Variants in ZNF804B observed in about 807,000 individuals in gnomAD.
ZNF804B encodes the protein zinc finger 804B.
A neutral mutation model predicts 101.4 loss-of-function variants in ZNF804B; 80 were observed. The ratio of observed to expected loss-of-function variants is 0.79; its 90% CI spans 0.66 to 0.95. The LOEUF (loss-of-function observed/expected upper bound fraction) is 0.95, where lower values mean the gene tolerates loss of function less well. ZNF804B is among the 40% of genes least tolerant of loss of function. The probability of loss-of-function intolerance (pLI) is 0.00; values close to 1 mark genes in which losing one functional copy is unlikely to be tolerated. For synonymous variants in ZNF804B, 622 were observed against 558.8 expected (o/e 1.11, Z -1.59); for missense variants, 1,673 against 1,561.9 (o/e 1.07, Z -1.20).
In ZNF804B at chr7:89,334,134, G is replaced by A. The variant is rs779558264; in HGVS notation, c.1152G>A (p.Leu384=). ...NHSDARISEC[L]DEFSSLEPSE... is the part of the protein sequence containing the mutation. ...GTGATGCCAGGATATCTGAATGCCT[G>A]GATGAGTTTTCATCACTGGAGCCAA... The change falls in exon 4 of 4, where the codon CTG becomes CTA. Residue 384 remains leucine (L), a synonymous_variant. Coordinates refer to ENST00000333190, the MANE Select transcript of ZNF804B (RefSeq NM_181646.5). 2.5e-6 allele frequency: 4 copies of A among 1,613,522 alleles called. No individual in the cohort carries two copies. Among genetic ancestry groups the A allele is most frequent in the Non-Finnish European group, 3.4e-6 (4 of 1,179,822 alleles).
At chr7:89,195,860 C>T (rs1001436724) in intron 1 of ZNF804B, among the ~76,000 whole-genome samples, 10 of 145,380 alleles carry the variant, frequency 6.9e-5, no homozygotes, top group Admixed American at 2.8e-4. Context: ...AAGTGAAGGA[C>T]CTCTTGAAAG....
At chr7:89,207,851 A>G (rs1788737796) in intron 1 of ZNF804B, among the ~76,000 whole-genome samples, 1 of 152,116 alleles carries the variant, frequency 6.6e-6, no homozygotes, top group Non-Finnish European at 1.5e-5. Flanking sequence ...TAGGTCAAGA[A>G]TTCACTGTAA....
intron 2 of ZNF804B, among the ~76,000 whole-genome samples, chr7:89,246,896 G>A (rs1308919823): frequency 6.6e-6 from 1 of 151,976 alleles, no homozygotes; most frequent in Non-Finnish European, 1.5e-5. Context: ...CTGTATGCAT[G>A]GGTGCCATCT....
intron 1 of ZNF804B, among the ~76,000 whole-genome samples, chr7:88,781,009 T>C (rs1224406287): frequency 6.6e-6 from 1 of 152,198 alleles, no homozygotes; most frequent in Non-Finnish European, 1.5e-5. Flanking sequence ...CTCATTCTTT[T>C]AGGCACATGT....
At chr7:88,937,918 A>G (rs1392945853) in intron 1 of ZNF804B, among the ~76,000 whole-genome samples, 4 of 152,078 alleles carry the variant, frequency 2.6e-5, no homozygotes, top group Non-Finnish European at 5.9e-5. Context: ...AAATATTGGA[A>G]GAGATTTATT....
At chr7:89,167,735 A>G (rs1282252358) in intron 1 of ZNF804B, among the ~76,000 whole-genome samples, 3 of 152,144 alleles carry the variant, frequency 2.0e-5, no homozygotes, top group Admixed American at 2.0e-4. Flanking sequence ...GAAACTGCAA[A>G]TTATGGTAGC....
intron 1 of ZNF804B, among the ~76,000 whole-genome samples, chr7:88,846,868 TATATACACATAA>T (rs1436034524): frequency 4.6e-5 from 7 of 151,550 alleles, no homozygotes; most frequent in South Asian, 4.2e-4. Context: ...TATTAGTGTA[TATATACACATAA>T]ATATACACAT....
chr7:89,078,352 C>T (rs1583973710), intron 1 of ZNF804B, among the ~76,000 whole-genome samples: 1 of 151,992 alleles, frequency 6.6e-6, no homozygotes, highest in Non-Finnish European at 1.5e-5. Context: ...ACTAGAAATG[C>T]TCAATTAAGA....
Position 89,212,433 on chromosome 7 carries a change from C to T in ZNF804B, c.109-5722C>T, listed in dbSNP as rs143153619. ...AACAGAAGTTTGATAACATGTATACCTCTTGTGCACATGGGAGATAACCTG... is the reference window on the plus strand; with the variant it reads ...AACAGAAGTTTGATAACATGTATACTTCTTGTGCACATGGGAGATAACCTG... On this transcript the variant is annotated intron_variant, in intron 1 of 3. Coordinates refer to ENST00000333190, the MANE Select transcript of ZNF804B (RefSeq NM_181646.5). 2.0e-5 allele frequency among the ~76,000 whole-genome samples: 3 copies of T among 152,172 alleles called. No individual in the cohort carries two copies. The East Asian group carries it at 5.8e-4, about 29-fold the overall frequency.
At chr7:88,882,700 TGTG>T (rs750319278) in intron 1 of ZNF804B, among the ~76,000 whole-genome samples, 55 of 152,148 alleles carry the variant, frequency 3.6e-4, no homozygotes, top group Non-Finnish European at 5.9e-4. Flanking sequence ...TCATGTCATT[TGTG>T]GCAACACGAG....
chr7:89,301,099 G>GT (rs5885673), intron 2 of ZNF804B, among the ~76,000 whole-genome samples: 40,645 of 78,504 alleles, frequency 0.52, 9,944 homozygotes, highest in East Asian at 0.73. Context: ...TTTCAAGCGT[G>GT]TTTTTTTTTT....
intron 1 of ZNF804B, among the ~76,000 whole-genome samples, chr7:89,177,761 TG>T (rs1287796944): frequency 6.6e-6 from 1 of 152,060 alleles, no homozygotes; most frequent in African/African-American, 2.4e-5. Flanking sequence ...TAATAATATT[TG>T]CTTTATATTG....
chr7:88,867,172 A>G (rs891481004), intron 1 of ZNF804B, among the ~76,000 whole-genome samples: 1 of 152,180 alleles, frequency 6.6e-6, no homozygotes, highest in Non-Finnish European at 1.5e-5. Flanking sequence ...AGAGAGACAG[A>G]CCAATAGGAG....
intron 1 of ZNF804B, among the ~76,000 whole-genome samples, chr7:88,913,584 T>C (rs1027896450): frequency 7.2e-5 from 11 of 152,202 alleles, no homozygotes; most frequent in African/African-American, 2.4e-4. Flanking sequence ...TTAGTAGATA[T>C]GGGGTTTCAC....
intron 2 of ZNF804B, among the ~76,000 whole-genome samples, chr7:89,273,355 T>C (rs1446914483): frequency 3.3e-5 from 5 of 152,098 alleles, no homozygotes; most frequent in African/African-American, 1.2e-4. Flanking sequence ...TTCATCAGCA[T>C]TTCTAATGAC....
At chr7:88,804,854 T>G (rs1372374732) in intron 1 of ZNF804B, among the ~76,000 whole-genome samples, 1 of 152,130 alleles carries the variant, frequency 6.6e-6, no homozygotes, top group Non-Finnish European at 1.5e-5. Context: ...TTGGTACCCC[T>G]GACATAACAT....
rs1792672695 is a variant in ZNF804B, at chr7:88,918,634, A to G, written c.108+158550A>G. Among the ~76,000 whole-genome samples, 3 of 152,256 alleles carry G rather than the reference A, an allele frequency of 2.0e-5. No homozygotes were observed. The South Asian group carries it at 6.2e-4, about 32-fold the overall frequency. ...CCAAAAGTAATGTAAATAATGGTAC[A>G]ATTTTTGACTGTTATATAGCAGTTT... On this transcript the variant is annotated intron_variant, in intron 1 of 3. Transcript: ENST00000333190.
At chr7:89,255,422 A>T (rs1789613198) in intron 2 of ZNF804B, among the ~76,000 whole-genome samples, 1 of 152,194 alleles carries the variant, frequency 6.6e-6, no homozygotes, top group Non-Finnish European at 1.5e-5. Context: ...AGACAAGTAA[A>T]AAAATGGGAC....
chr7:88,942,530 G>GTGTGTGTGTT (rs1554348178), intron 1 of ZNF804B, among the ~76,000 whole-genome samples: 1 of 65,886 alleles, frequency 1.5e-5, no homozygotes, highest in Non-Finnish European at 3.7e-5. Context: ...GTGTGTGTGT[G>GTGTGTGTGTT]TTTTGCATTG....
Sources: gnomAD v4.1 joint callset for allele counts (sites outside exome capture counted in the v4.1 genomes callset) on GRCh38, gnomAD v4.1.1 for gene constraint, MANE v1.5 for transcripts, NCBI Gene and HGNC (gene_info 2026-07-23, HGNC 2026-07-21) for gene names.